Variants in ATP10D observed in about 807,000 individuals in gnomAD.
ATP10D encodes the protein phospholipid-transporting ATPase VD.
Under a neutral mutation model 144.8 loss-of-function variants are expected in ATP10D, and 89 were observed. The ratio of observed to expected loss-of-function variants is 0.61; its 90% CI spans 0.52 to 0.73. The LOEUF (loss-of-function observed/expected upper bound fraction) is 0.73. ATP10D is among the 30% of genes least tolerant of loss of function. ATP10D has a pLI of 0.00. For missense variants in ATP10D, 1,603 were observed against 1,714.8 expected, an observed-to-expected ratio of 0.93 and a Z score of 1.15; for synonymous variants, 571 against 615.1, an observed-to-expected ratio of 0.93 and a Z score of 1.06.
At chr4:47,489,046 A>T (rs941939899) in intron 1 of ATP10D, among the ~76,000 whole-genome samples, 1 of 152,232 alleles carries the variant, frequency 6.6e-6, no homozygotes, top group Non-Finnish European at 1.5e-5. Context: ...GTAATTTGTT[A>T]TAGCAGCCCA....
At position 47,563,686 on chromosome 4, in the gene ATP10D, A is replaced by G. The variant is rs762188924; in HGVS notation, c.2774A>G (p.Glu925Gly). 9.9e-6 allele frequency: 16 copies of G among 1,613,948 alleles called. No individual in the cohort carries two copies. Among genetic ancestry groups the G allele is most frequent in the Non-Finnish European group, 1.4e-5 (16 of 1,180,002 alleles). The change falls in exon 15 of 23, where the codon GAG (glutamate) becomes GGG (glycine). Residue 925 changes from glutamate (E) to glycine (G), a missense_variant. Physicochemically the swap from Glu to Gly is moderately conservative, Grantham distance 98. Transcript: ENST00000273859. ...KIWMLTGDKQETAVNIAYACK... is the reference protein window; with the variant it reads ...KIWMLTGDKQGTAVNIAYACK... ...TGGATGCTGACAGGGGACAAGCAGG[A>G]GACAGCTGTCAACATAGCTTATGCA...
intron 10 of ATP10D, among the ~76,000 whole-genome samples, chr4:47,549,631 AAGAG>A (rs1422318448): frequency 6.6e-6 from 1 of 152,252 alleles, no homozygotes; most frequent in Non-Finnish European, 1.5e-5. Flanking sequence ...CTAGATAGAG[AAGAG>A]AGACATATAA....
At chr4:47,563,001 A>C (rs1719403309) in intron 14 of ATP10D, among the ~76,000 whole-genome samples, 1 of 152,216 alleles carries the variant, frequency 6.6e-6, no homozygotes, top group South Asian at 2.1e-4. Flanking sequence ...TCTCACTTAT[A>C]AGTGAGAGCT....
At chr4:47,535,317 T>TA (rs5858077) in intron 5 of ATP10D, among the ~76,000 whole-genome samples, 192 bp from the exon 6 acceptor site, 86,315 of 141,218 alleles carry the variant, frequency 0.61, 26,464 homozygotes, top group East Asian at 0.83. Context: ...CCTAAAAGTC[T>TA]AAAAAAAAAA....
chr4:47,498,129 G>T (rs28521770), intron 1 of ATP10D, among the ~76,000 whole-genome samples: 3,838 of 152,250 alleles, frequency 0.025, 173 homozygotes, highest in African/African-American at 0.087. Context: ...GTCATAAGAA[G>T]TCCCACTAGG....
At chr4:47,551,235 C>G (rs1309070551) in intron 10 of ATP10D, among the ~76,000 whole-genome samples, 1 of 152,146 alleles carries the variant, frequency 6.6e-6, no homozygotes, top group African/African-American at 2.4e-5. Context: ...TCCAGCTAGT[C>G]CTGTCTCTCA....
At chr4:47,568,351 G>C (rs1242948128) in intron 15 of ATP10D, among the ~76,000 whole-genome samples, 1 of 152,204 alleles carries the variant, frequency 6.6e-6, no homozygotes, top group Non-Finnish European at 1.5e-5. Flanking sequence ...GAAGATAAAA[G>C]CAATAATTAC....
intron 16 of ATP10D, among the ~76,000 whole-genome samples, chr4:47,570,587 T>C (rs902730070): frequency 2.1e-4 from 32 of 151,998 alleles, no homozygotes; most frequent in African/African-American, 7.5e-4. Flanking sequence ...GTGGATCACT[T>C]GAGGTCAGGA....
chr4:47,582,107 T>C, intron 21 of ATP10D, 43 bp downstream of exon 21: 1 of 1,461,698 alleles, frequency 6.8e-7, no homozygotes, highest in Non-Finnish European at 9.6e-7. Flanking sequence ...AAATCTTTTA[T>C]GCTTGGGGAT....
chr4:47,504,705 G>A (rs901872424), intron 1 of ATP10D, among the ~76,000 whole-genome samples: 1 of 152,130 alleles, frequency 6.6e-6, no homozygotes, highest in African/African-American at 2.4e-5. Flanking sequence ...TGGGACTACA[G>A]GCGCCCGCCA....
intron 15 of ATP10D, among the ~76,000 whole-genome samples, chr4:47,568,063 C>T (rs1422785254): frequency 6.6e-6 from 1 of 152,186 alleles, no homozygotes; most frequent in Admixed American, 6.5e-5. Context: ...TGAATGTTTA[C>T]TGAGTACCTG....
intron 5 of ATP10D, among the ~76,000 whole-genome samples, chr4:47,531,378 T>G (rs2109419406): frequency 6.6e-6 from 1 of 152,310 alleles, no homozygotes; most frequent in South Asian, 2.1e-4. Context: ...AAAGAATGGC[T>G]GGCATTTCAG....
chr4:47,521,878 T>G (rs1412390283), intron 3 of ATP10D, among the ~76,000 whole-genome samples: 1 of 152,236 alleles, frequency 6.6e-6, no homozygotes, highest in East Asian at 1.9e-4. Flanking sequence ...GTTTCAACCT[T>G]GTGCATTTGG....
chr4:47,546,863 G>GT lies in ATP10D; in HGVS notation c.1635+2dup. 6.2e-7 allele frequency: 1 copy of GT among 1,610,532 alleles called. No individual in the cohort carries two copies. Among genetic ancestry groups the GT allele is most frequent in the Non-Finnish European group, 8.5e-7 (1 of 1,178,160 alleles). On this transcript the variant is annotated splice_donor_variant, in intron 10 of 22. Coordinates refer to ENST00000273859, the MANE Select transcript of ATP10D (RefSeq NM_020453.4). LOFTEE classifies it high-confidence loss of function. ...ACAGGCTGCTTTCAGTAGCCCCATT[G>GT]TAAGTATGAATGCATGACTAGAGTC...
In ATP10D at chr4:47,558,939, G is replaced by C; in HGVS notation, c.2451G>C (p.Glu817Asp). 6.2e-7 allele frequency: 1 copy of C among 1,613,700 alleles called. No homozygotes were observed. Among genetic ancestry groups the C allele is most frequent in the Non-Finnish European group, 8.5e-7 (1 of 1,179,894 alleles). The change falls in exon 13 of 23, where the codon GAG (glutamate) becomes GAC (aspartate). Residue 817 changes from glutamate (E) to aspartate (D), a missense_variant. Coordinates refer to ENST00000273859, the MANE Select transcript of ATP10D (RefSeq NM_020453.4). ...SVASPDGASL[E>D]KQQMIVREKT... ...TTATTTCAGATGGAGCAAGTCTGGA[G>C]AAACAACAGATGATAGTAAGGGAGA...
chr4:47,519,553 T>C (rs1397958709), intron 3 of ATP10D, among the ~76,000 whole-genome samples: 1 of 152,242 alleles, frequency 6.6e-6, no homozygotes, highest in East Asian at 1.9e-4. Context: ...CTCCCAACAC[T>C]GTAAATGTTC....
rs1197555243 is a variant in ATP10D, at chr4:47,576,698, GGCA to G, written c.3367-71_3367-69del. 48 of 1,410,232 alleles carry G rather than the reference GGCA, an allele frequency of 3.4e-5. No individual in the cohort carries two copies. In the Admixed American group the frequency reaches 7.7e-4, roughly 23 times the overall value. The allele number at this position is 1,410,232 out of a possible 1,614,324, so 87.4% of individuals were successfully genotyped here. A position where few individuals can be genotyped will look rare whatever the true frequency, so the allele number is the denominator to read the frequency against. On this transcript the variant is annotated intron_variant, in intron 18 of 22. Coordinates refer to ENST00000273859, the MANE Select transcript of ATP10D (RefSeq NM_020453.4). ...AGGCTGAGGTCACCCAGCTCAAAAT[GGCA>G]GCATTTGGAATGTGTAATCATAGCA... is the stretch of plus-strand genomic sequence containing the variant.
In ATP10D at chr4:47,535,725, ATAAACT is replaced by A. The variant is rs1338770105; in HGVS notation, c.883+114_883+119del. 1.2e-5 allele frequency: 17 copies of A among 1,360,832 alleles called. No homozygotes were observed. The Admixed American group carries it at 3.1e-4, about 24-fold the overall frequency. The allele number at this position is 1,360,832 out of a possible 1,614,324, so 84.3% of individuals were successfully genotyped here. A position where few individuals can be genotyped will look rare whatever the true frequency, so the allele number is the denominator to read the frequency against. On this transcript the variant is annotated intron_variant, in intron 6 of 22. Coordinates refer to ENST00000273859, the MANE Select transcript of ATP10D (RefSeq NM_020453.4). Reference sequence around the variant, plus strand: ...TGAAGCAGAAAGGAAATTTTGCCTGATAAACTTAATTATTGGTCTCTGTTTTTCTAA... The same window carrying A: ...TGAAGCAGAAAGGAAATTTTGCCTGATAATTATTGGTCTCTGTTTTTCTAA...
chr4:47,541,830 G>T (rs78252133), intron 9 of ATP10D, among the ~76,000 whole-genome samples: 6,307 of 152,158 alleles, frequency 0.041, 411 homozygotes, highest in African/African-American at 0.14. Context: ...AAGACAGATC[G>T]GGGATTAAAT....
Sources: gnomAD v4.1 joint callset for allele counts (sites outside exome capture counted in the v4.1 genomes callset) on GRCh38, gnomAD v4.1.1 for gene constraint, MANE v1.5 for transcripts, NCBI Gene and HGNC (gene_info 2026-07-23, HGNC 2026-07-21) for gene names.